The following SVEP1 variants were observed in gnomAD, a reference collection of about 807,000 sequenced individuals.
The protein encoded by SVEP1 is sushi, von Willebrand factor type A, EGF and pentraxin domain-containing protein 1.
In SVEP1, 164 loss-of-function variants were observed where a neutral mutation model predicts 367.3. The ratio of observed to expected loss-of-function variants is 0.45; its 90% CI spans 0.39 to 0.51. SVEP1 has a LOEUF of 0.51. Ranked by LOEUF, SVEP1 falls within the 20% of genes least tolerant of loss-of-function variation. The pLI, the probability that SVEP1 is intolerant of heterozygous loss-of-function variation, is 0.00. For synonymous variants in SVEP1, 1,666 were observed against 1,611.6 expected (o/e 1.03, Z -0.81); for missense variants, 4,117 against 4,425.3 (o/e 0.93, Z 1.98).
At chr9:110,573,742 A>G (rs562648407) in intron 1 of SVEP1, among the ~76,000 whole-genome samples, 1 of 152,342 alleles carries the variant, frequency 6.6e-6, no homozygotes, top group South Asian at 2.1e-4. Context: ...AAGGTAACTT[A>G]CAAACACATG....
intron 13 of SVEP1, among the ~76,000 whole-genome samples, chr9:110,478,038 C>A (rs1181385737): frequency 6.6e-6 from 1 of 152,194 alleles, no homozygotes; most frequent in Admixed American, 6.5e-5. Context: ...ATCTATCACT[C>A]AGCCTGTCAT....
intron 39 of SVEP1, among the ~76,000 whole-genome samples, chr9:110,403,298 T>TTTTTTTTTTG (rs1827894554): frequency 1.8e-5 from 2 of 110,970 alleles, no homozygotes; most frequent in Middle Eastern, 3.9e-3. Context: ...CCACCGCCGT[T>TTTTTTTTTTG]TTTTTTTTTT....
intron 44 of SVEP1, 84 bp from the exon 45 acceptor site, chr9:110,377,450 A>C: frequency 4.7e-4 from 583 of 1,231,464 alleles, no homozygotes; most frequent in Non-Finnish European, 6.1e-4. Context: ...TTTATATCTC[A>C]TACTATTTCC....
intron 8 of SVEP1, among the ~76,000 whole-genome samples, chr9:110,492,679 C>T (rs981316729): frequency 6.6e-6 from 1 of 151,942 alleles, no homozygotes; most frequent in South Asian, 2.1e-4. Flanking sequence ...CCCCTGTCTT[C>T]TCCATGGGGC....
Position 110,377,384 on chromosome 9 carries a change from T to G in SVEP1, c.10409-18A>C. On this transcript the variant is annotated intron_variant, in intron 44 of 47. Transcript: ENST00000374469. ...ACAGACAGCTGGAAAAGAAGCAGGATGGGTCACAAATGTAGGGAATTATGA... is the reference window on the plus strand; with the variant it reads ...ACAGACAGCTGGAAAAGAAGCAGGAGGGGTCACAAATGTAGGGAATTATGA... 1 of 1,611,026 alleles carries G rather than the reference T, an allele frequency of 6.2e-7. No individual in the cohort carries two copies. The highest frequency in any genetic ancestry group is 8.5e-7 in the Non-Finnish European group (1 of 1,177,370).
intron 3 of SVEP1, among the ~76,000 whole-genome samples, chr9:110,539,256 G>A (rs1018120334): frequency 6.6e-6 from 1 of 152,056 alleles, no homozygotes; most frequent in African/African-American, 2.4e-5. Context: ...GATGGGAAAG[G>A]GAGCCAGAAA....
chr9:110,463,979 C>A (rs962534831), intron 18 of SVEP1, among the ~76,000 whole-genome samples: 1 of 151,930 alleles, frequency 6.6e-6, no homozygotes, highest in Non-Finnish European at 1.5e-5. Context: ...ATTATAACTC[C>A]TTAATTATAA....
In SVEP1 at chr9:110,430,299, C is replaced by T; in HGVS notation, c.5505G>A (p.Trp1835Ter). Residue 1835 changes from tryptophan (W) to a stop codon, truncating the protein, a stop_gained, in exon 33 of 48, where the codon TGG becomes TGA. Transcript: ENST00000374469. LOFTEE classifies it high-confidence loss of function. ...CTTTACAATATGGTATTAGATGATTCCATTCTCCAGACTCCAAACATGTGA... is the reference window on the plus strand; with the variant it reads ...CTTTACAATATGGTATTAGATGATTTCATTCTCCAGACTCCAAACATGTGA... ...TKITCLESGE[W>*]NHLIPYCKAV... is the part of the protein sequence containing the mutation. The T allele has an allele frequency of 6.2e-7, 1 of 1,612,912 alleles. No homozygotes were observed. Among genetic ancestry groups the T allele is most frequent in the Non-Finnish European group, 8.5e-7 (1 of 1,179,456 alleles).
At chr9:110,489,565 G>A in intron 9 of SVEP1, 85 bp downstream of exon 9, 3 of 1,361,834 alleles carry the variant, frequency 2.2e-6, no homozygotes, top group Non-Finnish European at 3.0e-6. Context: ...CTCCCACTGG[G>A]TCCTTCCCAC....
At chr9:110,511,823 A>C (rs1469941760) in intron 5 of SVEP1, among the ~76,000 whole-genome samples, 1 of 152,108 alleles carries the variant, frequency 6.6e-6, no homozygotes, top group African/African-American at 2.4e-5. Flanking sequence ...GTTCTCCCTT[A>C]TGGATATGGA....
chr9:110,486,962 GTC>G (rs1210875110), intron 9 of SVEP1, among the ~76,000 whole-genome samples: 1 of 139,222 alleles, frequency 7.2e-6, no homozygotes, highest in Non-Finnish European at 1.5e-5. Flanking sequence ...CTCTCTCTCT[GTC>G]TCTCTCTTTG....
At chr9:110,434,666 T>TAAAAAAAATAAAAAAAAAA (rs1828404955) in intron 29 of SVEP1, among the ~76,000 whole-genome samples, 160 bp from the exon 30 acceptor site, 1 of 40,620 alleles carries the variant, frequency 2.5e-5, no homozygotes, top group Non-Finnish European at 4.2e-5. Flanking sequence ...GCAAAATCAC[T>TAAAAAAAATAAAAAAAAAA]AAAAAAAAAA....
intron 40 of SVEP1, among the ~76,000 whole-genome samples, chr9:110,391,996 G>C (rs1007946569): frequency 9.2e-5 from 14 of 151,756 alleles, no homozygotes; most frequent in Non-Finnish European, 1.6e-4. Flanking sequence ...TTCAGACAGG[G>C]TTTTACATCA....
intron 36 of SVEP1, 47 bp downstream of exon 36, chr9:110,427,544 C>CT: frequency 6.3e-7 from 1 of 1,577,468 alleles, no homozygotes; most frequent in Non-Finnish European, 8.6e-7. Context: ...CAGGAGCATC[C>CT]ACTTCCTTGG....
At chr9:110,460,378 C>T (rs903378651) in intron 18 of SVEP1, among the ~76,000 whole-genome samples, 7 of 152,016 alleles carry the variant, frequency 4.6e-5, no homozygotes, top group African/African-American at 9.7e-5. Context: ...AAAAGTATAA[C>T]GTGTATTATT....
intron 8 of SVEP1, among the ~76,000 whole-genome samples, chr9:110,496,383 C>A (rs1466888080): frequency 1.3e-5 from 2 of 152,206 alleles, no homozygotes; most frequent in South Asian, 4.1e-4. Context: ...GAAGAGCAGA[C>A]CTGCTGAGTC....
At chr9:110,444,848 T>C (rs926058635) in intron 26 of SVEP1, among the ~76,000 whole-genome samples, 2 of 152,212 alleles carry the variant, frequency 1.3e-5, no homozygotes, top group Non-Finnish European at 2.9e-5. Flanking sequence ...TCTTTATATA[T>C]ATTTTGTCTC....
chr9:110,390,274 C>CG (rs1564127448), intron 40 of SVEP1, among the ~76,000 whole-genome samples: 1 of 90,654 alleles, frequency 1.1e-5, no homozygotes, highest in African/African-American at 4.5e-5. Context: ...TATATATATA[C>CG]TTATATATAT....
At chr9:110,475,922 G>A in intron 14 of SVEP1, 1 of 297,766 alleles carries the variant, frequency 3.4e-6, no homozygotes, top group Non-Finnish European at 6.2e-6. Flanking sequence ...TCTCTTTTAG[G>A]ATACATCAAC....
Sources: allele counts gnomAD v4.1 joint callset (sites outside exome capture counted in the v4.1 genomes callset), GRCh38; gene constraint gnomAD v4.1.1; transcripts MANE v1.5; gene names NCBI Gene and HGNC (gene_info 2026-07-23, HGNC 2026-07-21).